FAM120C: variants seen among roughly 807,000 people sequenced by gnomAD.
FAM120C encodes the protein family with sequence similarity 120 member C, also known as constitutive coactivator of PPAR-gamma-like protein 2.
A neutral mutation model predicts 71.2 loss-of-function variants in FAM120C; 14 were observed. The observed-to-expected ratio is 0.20, with a 90% CI of 0.13 to 0.31. The LOEUF (loss-of-function observed/expected upper bound fraction) is 0.31, where lower values mean the gene tolerates loss of function less well. Among genes scored for constraint, FAM120C ranks in the 10% least tolerant of loss-of-function variants. The probability of loss-of-function intolerance (pLI) is 1.00; values close to 1 mark genes in which losing one functional copy is unlikely to be tolerated. For missense variants in FAM120C, 500 were observed against 879.0 expected, an observed-to-expected ratio of 0.57 and a Z score of 5.45; for synonymous variants, 354 against 353.2, an observed-to-expected ratio of 1.00 and a Z score of -0.03.
At chrX:54,170,288 C>G (rs1274636940) in intron 1 of FAM120C, among the ~76,000 whole-genome samples, 5 of 110,613 alleles carry the variant, frequency 4.5e-5, no homozygotes, top group African/African-American at 3.3e-5. Flanking sequence ...AGGCGCCCAC[C>G]ACCACGCCCA....
Position 54,069,198 on chromosome X carries a change from C to T in FAM120C, c.*3835G>A, listed in dbSNP as rs2066699990. 2 of 111,414 alleles carry T rather than the reference C, an allele frequency of 1.8e-5. No individual in the cohort carries two copies. Among genetic ancestry groups the T allele is most frequent in the Admixed American group, 1.9e-4 (2 of 10,343 alleles). The allele number at this position is 111,414 out of a possible 1,213,427, so 9.2% of individuals were successfully genotyped here. On this transcript the variant is annotated 3_prime_UTR_variant, in exon 16 of 16. Transcript: ENST00000375180. ...GGGAATAGGTGCACTGAGCTCTCTA[C>T]CTGCACCAGCAGACTACTGCAATAA...
chrX:54,140,300 AAAAAAG>A (rs1332788777), intron 4 of FAM120C, among the ~76,000 whole-genome samples: 4 of 103,214 alleles, frequency 3.9e-5, no homozygotes, highest in South Asian at 4.4e-4. Flanking sequence ...TCAAAAAAAA[AAAAAAG>A]AAAAAGAAAA....
intron 5 of FAM120C, among the ~76,000 whole-genome samples, chrX:54,136,102 G>C (rs372791873): frequency 5.8e-4 from 64 of 109,869 alleles, no homozygotes; most frequent in African/African-American, 2.0e-3. Flanking sequence ...GGGTTCAAGC[G>C]ATTCTCCTGC....
chrX:54,131,475 G>A (rs782425613), intron 9 of FAM120C, among the ~76,000 whole-genome samples: 2 of 100,764 alleles, frequency 2.0e-5, no homozygotes, highest in East Asian at 3.1e-4. Flanking sequence ...TTTCGCTCTT[G>A]TTGCCGAGGC....
intron 3 of FAM120C, among the ~76,000 whole-genome samples, chrX:54,156,886 CAA>C (rs782182111): frequency 9.2e-5 from 3 of 32,728 alleles, no homozygotes; most frequent in Admixed American, 4.4e-4. Flanking sequence ...GACTTTGCCT[CAA>C]AAAAAAAAAA....
intron 9 of FAM120C, among the ~76,000 whole-genome samples, chrX:54,127,253 G>A (rs1159608470): frequency 9.0e-6 from 1 of 110,829 alleles, no homozygotes; most frequent in Non-Finnish European, 1.9e-5. Context: ...ATTGATGAAG[G>A]ATACTGGTCT....
chrX:54,162,635 G>A (rs2067240708), intron 1 of FAM120C, among the ~76,000 whole-genome samples: 1 of 111,619 alleles, frequency 9.0e-6, no homozygotes, highest in African/African-American at 3.3e-5. Context: ...CAAATGAGAG[G>A]GCACTATCAT....
intron 1 of FAM120C, chrX:54,173,996 T>G (rs1392259208): frequency 2.2e-6 from 1 of 463,170 alleles, no homozygotes; most frequent in Non-Finnish European, 3.9e-6. Flanking sequence ...CCAAGCTCAC[T>G]CACGTACGTG....
intron 4 of FAM120C, among the ~76,000 whole-genome samples, chrX:54,141,721 A>C (rs1252839938): frequency 9.0e-6 from 1 of 111,002 alleles, no homozygotes; most frequent in Admixed American, 9.8e-5. Flanking sequence ...ATCCCAAGAA[A>C]TCTACCAAAA....
chrX:54,145,507 G>T (rs139515872), intron 4 of FAM120C, among the ~76,000 whole-genome samples: 3,496 of 111,939 alleles, frequency 0.031, 132 homozygotes, highest in African/African-American at 0.11. Context: ...GATATGAAAA[G>T]ACACTTCTCA....
At chrX:54,101,998 T>C (rs1008078065) in intron 10 of FAM120C, among the ~76,000 whole-genome samples, 12 of 110,978 alleles carry the variant, frequency 1.1e-4, no homozygotes, top group Non-Finnish European at 2.1e-4. Flanking sequence ...GTATTCATTA[T>C]CAGAAACAGC....
intron 10 of FAM120C, among the ~76,000 whole-genome samples, chrX:54,093,224 T>C (rs1266403927): frequency 8.9e-6 from 1 of 112,261 alleles, no homozygotes; most frequent in Non-Finnish European, 1.9e-5. Context: ...AAAAAAATCC[T>C]TCAAAGCAGA....
intron 3 of FAM120C, among the ~76,000 whole-genome samples, chrX:54,157,071 G>C (rs1217522860): frequency 9.2e-6 from 1 of 109,287 alleles, no homozygotes; most frequent in Non-Finnish European, 1.9e-5. Flanking sequence ...AAATCACACT[G>C]ATCATTTAAT....
chrX:54,149,435 C>T (rs1603362060), intron 4 of FAM120C, among the ~76,000 whole-genome samples: 2 of 111,150 alleles, frequency 1.8e-5, no homozygotes, highest in African/African-American at 3.3e-5. Flanking sequence ...GTCAGGAGTT[C>T]GAAACCAGCC....
chrX:54,134,924 T>C lies in FAM120C; in HGVS notation c.1523A>G (p.Asn508Ser), dbSNP rs1179104654. The C allele has an allele frequency of 1.7e-6, 2 of 1,209,069 alleles. No homozygotes were observed. The highest frequency in any genetic ancestry group is 2.2e-6 in the Non-Finnish European group (2 of 895,031). The change falls in exon 7 of 16, where the codon AAT (asparagine) becomes AGT (serine). Residue 508 changes from asparagine (N) to serine (S), a missense_variant. Physicochemically the swap from Asn to Ser is conservative, Grantham distance 46. Coordinates refer to ENST00000375180, the MANE Select transcript of FAM120C (RefSeq NM_017848.6). ...AGGTGAGGCTTTAGAAGGCAGGTAA[T>C]TGGGAAACTGGGATGCAGAAGAGTC... ...SYDSSASQFP[N>S]YLPSKASPPL...
At chrX:54,073,389 C>T in intron 15 of FAM120C, 102 bp from the exon 16 acceptor site, 1 of 821,840 alleles carries the variant, frequency 1.2e-6, no homozygotes, top group South Asian at 3.1e-5. Flanking sequence ...TTCAGTTCTT[C>T]AAAAACACCA....
chrX:54,119,740 T>G (rs1235457181), intron 9 of FAM120C, among the ~76,000 whole-genome samples: 2 of 49,328 alleles, frequency 4.1e-5, no homozygotes, highest in Non-Finnish European at 7.1e-5. Context: ...TTTGTCAATT[T>G]TGTCTTTTGT....
chrX:54,135,188 C>G (rs899163426), intron 6 of FAM120C, 77 bp from the exon 7 acceptor site: 4 of 978,034 alleles, frequency 4.1e-6, no homozygotes, highest in Non-Finnish European at 5.6e-6. Flanking sequence ...AGTTGTGACA[C>G]AGTGGATGAT....
chrX:54,135,291 C>G (rs782776367), intron 6 of FAM120C, among the ~76,000 whole-genome samples, 180 bp from the exon 7 acceptor site: 1 of 111,834 alleles, frequency 8.9e-6, no homozygotes, highest in Non-Finnish European at 1.9e-5. Flanking sequence ...GGACAATGAA[C>G]AGTTGAAGTC....
Sources: gnomAD v4.1 joint callset for allele counts (sites outside exome capture counted in the v4.1 genomes callset) on GRCh38, gnomAD v4.1.1 for gene constraint, MANE v1.5 for transcripts, NCBI Gene and HGNC (gene_info 2026-07-23, HGNC 2026-07-21) for gene names.